Variants in MYRIP observed in about 807,000 individuals in gnomAD.
MYRIP encodes myosin VIIA and Rab interacting protein.
MYRIP carries 49 observed loss-of-function variants against 98.0 expected under a neutral mutation model. That is an observed-to-expected ratio of 0.50 (90% confidence interval 0.40 to 0.63). MYRIP has a LOEUF of 0.63. MYRIP is among the 30% of genes least tolerant of loss of function. MYRIP has a pLI of 0.00. For missense variants in MYRIP, 1,004 were observed against 1,058.2 expected (o/e 0.95, Z 0.71); for synonymous variants, 404 against 409.5 (o/e 0.99, Z 0.16).
rs899523761 is a variant in MYRIP at position 40,104,974 on chromosome 3, CT to C, written c.333-46073del. On this transcript the variant is annotated intron_variant, in intron 3 of 16. Coordinates refer to ENST00000302541, the MANE Select transcript of MYRIP (RefSeq NM_015460.4). ...TCTTCCCTCAGCCCTATCCCACCCCCTAAAACCATTTTTAACTGTTTCACTG... is the reference window on the plus strand; with the variant it reads ...TCTTCCCTCAGCCCTATCCCACCCCCAAAACCATTTTTAACTGTTTCACTG... Among the ~76,000 whole-genome samples the C allele has an allele frequency of 5.3e-5, 8 of 152,216 alleles. No individual in the cohort carries two copies. The East Asian group carries it at 7.7e-4, about 15-fold the overall frequency.
chr3:39,830,492 G>A (rs1264216657), intron 1 of MYRIP, among the ~76,000 whole-genome samples: 1 of 151,946 alleles, frequency 6.6e-6, no homozygotes, highest in Non-Finnish European at 1.5e-5. Flanking sequence ...CTTACACATT[G>A]TCCCGGTTTC....
intron 4 of MYRIP, among the ~76,000 whole-genome samples, chr3:40,160,246 C>T (rs1358254693): frequency 6.6e-6 from 1 of 152,128 alleles, no homozygotes; most frequent in Non-Finnish European, 1.5e-5. Context: ...TGTTGGAGTA[C>T]CCAGCTGTGT....
intron 3 of MYRIP, among the ~76,000 whole-genome samples, chr3:40,136,301 T>A (rs1949767432): frequency 6.6e-6 from 1 of 152,144 alleles, no homozygotes. Flanking sequence ...CATTACATAA[T>A]GGTAAAGGGA....
chr3:40,116,778 G>A (rs914622333), intron 3 of MYRIP, among the ~76,000 whole-genome samples: 3 of 152,210 alleles, frequency 2.0e-5, no homozygotes, highest in African/African-American at 4.8e-5. Context: ...ACACAAAAAC[G>A]GTTTGGGGTG....
chr3:39,953,978 A>C (rs1353348108), intron 2 of MYRIP, among the ~76,000 whole-genome samples: 1 of 152,150 alleles, frequency 6.6e-6, no homozygotes. Context: ...GTCCACCATT[A>C]CTGAGGCTTG....
chr3:40,035,252 A>G (rs1947352875), intron 2 of MYRIP, among the ~76,000 whole-genome samples: 1 of 151,656 alleles, frequency 6.6e-6, no homozygotes, highest in Non-Finnish European at 1.5e-5. Flanking sequence ...AAAAAAAAGA[A>G]AAAGAAATCA....
At chr3:39,856,290 G>A (rs374427961) in intron 1 of MYRIP, among the ~76,000 whole-genome samples, 18 of 152,120 alleles carry the variant, frequency 1.2e-4, no homozygotes, top group African/African-American at 3.6e-4. Flanking sequence ...CACAGTGTGC[G>A]TCTCTACATG....
intron 1 of MYRIP, among the ~76,000 whole-genome samples, chr3:39,872,804 G>A (rs1168543064): frequency 1.3e-5 from 2 of 152,160 alleles, no homozygotes; most frequent in Admixed American, 6.5e-5. Context: ...ATATACGTCT[G>A]TATGTGTCTT....
intron 3 of MYRIP, among the ~76,000 whole-genome samples, chr3:40,052,642 CTT>C (rs1947815153): frequency 6.6e-6 from 1 of 152,106 alleles, no homozygotes; most frequent in African/African-American, 2.4e-5. Flanking sequence ...TCCAAGCACT[CTT>C]TTTCCCAGTA....
chr3:39,969,606 T>G (rs1190909492), intron 2 of MYRIP, among the ~76,000 whole-genome samples: 1 of 152,212 alleles, frequency 6.6e-6, no homozygotes, highest in Admixed American at 6.5e-5. Context: ...TTAGTTCTGT[T>G]TATGTGATGA....
At chr3:39,901,845 G>A (rs2125671893) in intron 2 of MYRIP, among the ~76,000 whole-genome samples, 1 of 152,082 alleles carries the variant, frequency 6.6e-6, no homozygotes, top group South Asian at 2.1e-4. Context: ...ACCAAAAAAT[G>A]GTGGAAATAA....
Position 40,151,165 on chromosome 3 carries a change from C to T in MYRIP, c.450C>T (p.Gly150=), listed in dbSNP as rs146315245. ...NLYRKHRLES[G]ACFDILGGSL... ...ACAGGAAGCACCGGCTGGAGAGTGG[C>T]GCGTGCTTCGACATTCTAGGTACTC... is the stretch of plus-strand genomic sequence containing the variant. The change falls in exon 4 of 17, where the codon GGC becomes GGT. Residue 150 remains glycine, a synonymous_variant. Coordinates refer to ENST00000302541, the MANE Select transcript of MYRIP (RefSeq NM_015460.4). The T allele has an allele frequency of 1.6e-3, 2,590 of 1,605,490 alleles. 5 individuals carry two copies. Among genetic ancestry groups the T allele is most frequent in the Non-Finnish European group, 2.0e-3 (2,322 of 1,175,446 alleles).
intron 9 of MYRIP, among the ~76,000 whole-genome samples, chr3:40,185,889 T>C (rs553292731): frequency 2.4e-4 from 36 of 152,198 alleles, no homozygotes; most frequent in Non-Finnish European, 5.0e-4. Context: ...GTCGCCCCTA[T>C]AGCCTTTGGT....
chr3:40,217,029 G>A (rs1050037795), intron 11 of MYRIP, among the ~76,000 whole-genome samples: 5 of 152,034 alleles, frequency 3.3e-5, no homozygotes, highest in Non-Finnish European at 5.9e-5. Flanking sequence ...AATATGTATT[G>A]TTGTTAAAGA....
At chr3:39,911,858 C>G (rs1372776513) in intron 2 of MYRIP, among the ~76,000 whole-genome samples, 1 of 152,176 alleles carries the variant, frequency 6.6e-6, no homozygotes, top group Non-Finnish European at 1.5e-5. Context: ...TAAAGGGCTG[C>G]CTTCCCCTCC....
At position 40,084,696 on chromosome 3, in the gene MYRIP, T is replaced by TGTCG. The variant is rs1948576882; in HGVS notation, c.332+40425_332+40426insGTCG. Among the ~76,000 whole-genome samples the TGTCG allele has an allele frequency of 3.3e-5, 5 of 149,780 alleles. 1 individual carries two copies. Among genetic ancestry groups the TGTCG allele is most frequent in the African/African-American group, 1.2e-4 (5 of 41,124 alleles). ...CGATAGATAATATCTATGTATTACA[T>TGTCG]ATCGATAGATAATATGTATCTATGT... is the stretch of plus-strand genomic sequence containing the variant. On this transcript the variant is annotated intron_variant, in intron 3 of 16. Coordinates refer to ENST00000302541, the MANE Select transcript of MYRIP (RefSeq NM_015460.4).
At chr3:40,118,844 C>T (rs748966584) in intron 3 of MYRIP, among the ~76,000 whole-genome samples, 5 of 151,726 alleles carry the variant, frequency 3.3e-5, no homozygotes, top group African/African-American at 1.2e-4. Context: ...TGAGTGAGAA[C>T]GTGCGATAGT....
At chr3:40,029,736 A>G (rs1384877954) in intron 2 of MYRIP, among the ~76,000 whole-genome samples, 2 of 152,064 alleles carry the variant, frequency 1.3e-5, no homozygotes, top group Admixed American at 1.3e-4. Flanking sequence ...AACCCTTACA[A>G]CACACCAGTA....
chr3:39,973,290 C>G (rs1379027177), intron 2 of MYRIP, among the ~76,000 whole-genome samples: 1 of 151,958 alleles, frequency 6.6e-6, no homozygotes, highest in African/African-American at 2.4e-5. Context: ...CAACAAAGAT[C>G]AAAAGAGACA....
Sources: gnomAD v4.1 joint callset for allele counts (sites outside exome capture counted in the v4.1 genomes callset) on GRCh38, gnomAD v4.1.1 for gene constraint, MANE v1.5 for transcripts, NCBI Gene and HGNC (gene_info 2026-07-23, HGNC 2026-07-21) for gene names.